The following RMDN1 variants were observed in gnomAD, a reference collection of about 807,000 sequenced individuals.
The protein encoded by RMDN1 is regulator of microtubule dynamics protein 1.
A neutral mutation model predicts 48.9 loss-of-function variants in RMDN1; 48 were observed. The ratio of observed to expected loss-of-function variants is 0.98; its 90% CI spans 0.78 to 1.25. The LOEUF (loss-of-function observed/expected upper bound fraction) is 1.25, where lower values mean the gene tolerates loss of function less well. RMDN1 is among the 50% of genes most tolerant of loss of function. The pLI is 0.00. For missense variants in RMDN1, 418 were observed against 373.4 expected (o/e 1.12, Z -0.98); for synonymous variants, 148 against 132.6 (o/e 1.12, Z -0.80).
chr8:86,474,820 C>G lies in RMDN1; in HGVS notation c.894G>C (p.Gln298His). Residue 298 changes from glutamine (Q) to histidine (H), a missense_variant and splice_region_variant, in exon 9 of 10, where the codon CAG becomes CAC. Physicochemically the swap from Gln to His is conservative, Grantham distance 24. Coordinates refer to ENST00000406452, the MANE Select transcript of RMDN1 (RefSeq NM_016033.3). ...CCTTACTTTATGGGAGATGTTTTACCTGTTTATCCTCCTCTGTGTGTGCTG... is the reference window on the plus strand; with the variant it reads ...CCTTACTTTATGGGAGATGTTTTACGTGTTTATCCTCCTCTGTGTGTGCTG... ...DYPAHTEEDK[Q>H]IQTEAAQLLT... is the part of the protein sequence containing the mutation. 1 of 1,602,436 alleles carries G rather than the reference C, an allele frequency of 6.2e-7. No homozygotes were observed. Among genetic ancestry groups the G allele is most frequent in the Admixed American group, 1.8e-5 (1 of 56,896 alleles).
intron 2 of RMDN1, among the ~76,000 whole-genome samples, chr8:86,493,991 TA>T (rs1022815338): frequency 6.6e-6 from 1 of 152,214 alleles, no homozygotes; most frequent in Admixed American, 6.5e-5. Context: ...ATGTGGAATC[TA>T]AAAAAGTCAA....
chr8:86,501,750 A>G lies in RMDN1; in HGVS notation c.247+5245T>C, dbSNP rs1278931523. Among the ~76,000 whole-genome samples the G allele has an allele frequency of 2.0e-5, 3 of 152,136 alleles. No individual in the cohort carries two copies. The East Asian group carries it at 5.8e-4, about 29-fold the overall frequency. ...TGTGAACTTCTTTTCAAAAATTATT[A>G]TAATGTGATAAGATAATAAGACTTG... On this transcript the variant is annotated intron_variant, in intron 2 of 9. Coordinates refer to ENST00000406452, the MANE Select transcript of RMDN1 (RefSeq NM_016033.3).
chr8:86,470,313 G>T (rs1339721683), downstream of RMDN1: 4 of 1,289,304 alleles, frequency 3.1e-6, no homozygotes, highest in Non-Finnish European at 3.0e-6. Flanking sequence ...GCACGGGAAG[G>T]AGAATGTAAG....
downstream of RMDN1, among the ~76,000 whole-genome samples, chr8:86,471,236 A>T (rs1052109457): frequency 6.6e-6 from 1 of 151,374 alleles, no homozygotes; most frequent in Non-Finnish European, 1.5e-5. Context: ...AGGAGGTAAG[A>T]CCTCCATAAA....
intron 4 of RMDN1, among the ~76,000 whole-genome samples, chr8:86,485,170 C>A (rs1410150776): frequency 6.6e-6 from 1 of 152,166 alleles, no homozygotes; most frequent in East Asian, 1.9e-4. Context: ...GTGGCTCACG[C>A]CTGTAACAGT....
chr8:86,511,001 G>A (rs1820024530), upstream of RMDN1, among the ~76,000 whole-genome samples: 1 of 151,852 alleles, frequency 6.6e-6, no homozygotes. Context: ...TTTTGTTTTT[G>A]TTTTTGTTTT....
chr8:86,486,399 T>C, intron 4 of RMDN1, 85 bp downstream of exon 4: 1 of 945,968 alleles, frequency 1.1e-6, no homozygotes, highest in Non-Finnish European at 1.4e-6. Context: ...GAGAAATTGT[T>C]CTTCCAATGT....
chr8:86,487,416 C>A (rs1302547230), intron 3 of RMDN1, among the ~76,000 whole-genome samples: 1 of 152,098 alleles, frequency 6.6e-6, no homozygotes, highest in Non-Finnish European at 1.5e-5. Context: ...CCAGCCTGAT[C>A]AACATGTACT....
At chr8:86,474,796 C>A in intron 9 of RMDN1, 24 bp downstream of exon 9, 1 of 1,595,496 alleles carries the variant, frequency 6.3e-7, no homozygotes, top group Non-Finnish European at 8.5e-7. Context: ...ACCTTTCTGC[C>A]TTACTTTATG....
intron 2 of RMDN1, among the ~76,000 whole-genome samples, chr8:86,501,304 C>G (rs942687560): frequency 3.3e-5 from 5 of 152,178 alleles, no homozygotes; most frequent in African/African-American, 1.2e-4. Context: ...CTTCAGAAAG[C>G]ACTACATCTT....
intron 2 of RMDN1, among the ~76,000 whole-genome samples, chr8:86,490,631 C>A (rs1816329100): frequency 6.6e-6 from 1 of 152,060 alleles, no homozygotes; most frequent in African/African-American, 2.4e-5. Context: ...AACTAAAGAA[C>A]CCTAAGATAA....
intron 7 of RMDN1, chr8:86,478,498 T>C (rs1371195418): frequency 6.5e-6 from 1 of 154,048 alleles, no homozygotes; most frequent in East Asian, 1.9e-4. Context: ...ACCTTTCATA[T>C]GCTTTTTAAA....
At chr8:86,504,338 A>T (rs1196514893) in intron 2 of RMDN1, 1 of 1,578,420 alleles carries the variant, frequency 6.3e-7, no homozygotes, top group Non-Finnish European at 8.7e-7. Context: ...ATGTCACAAG[A>T]AAAGCAAGTC....
intron 5 of RMDN1, among the ~76,000 whole-genome samples, chr8:86,483,971 C>T (rs1815019860): frequency 6.6e-6 from 1 of 152,078 alleles, no homozygotes; most frequent in South Asian, 2.1e-4. Context: ...ACAATATACA[C>T]ACAGATATCA....
intron 2 of RMDN1, chr8:86,504,800 C>T (rs1819029165): frequency 9.4e-7 from 1 of 1,058,620 alleles, no homozygotes; most frequent in Non-Finnish European, 1.5e-6. Context: ...CCGGCTGCTC[C>T]AACTATACCT....
intron 2 of RMDN1, among the ~76,000 whole-genome samples, chr8:86,498,662 C>T (rs1319103419): frequency 1.3e-5 from 2 of 152,036 alleles, no homozygotes; most frequent in African/African-American, 2.4e-5. Flanking sequence ...ACAACTGTAG[C>T]CCCAGCCACT....
chr8:86,493,662 A>G (rs1399820110), intron 2 of RMDN1, among the ~76,000 whole-genome samples: 1 of 152,204 alleles, frequency 6.6e-6, no homozygotes, highest in Non-Finnish European at 1.5e-5. Context: ...TTCAAAATCC[A>G]AAACTTTGTG....
Position 86,480,316 on chromosome 8 carries a change from T to C in RMDN1, c.602A>G (p.Asn201Ser), listed in dbSNP as rs1814149161. Reference sequence around the variant, plus strand: ...GTGAATTGAAGTAGCATCTTTAGGGTTCAGTTCAATTGCTTTCTAACAAGA... The same window carrying C: ...GTGAATTGAAGTAGCATCTTTAGGGCTCAGTTCAATTGCTTTCTAACAAGA... ...KEHFEKAIEL[N>S]PKDATSIHLM... The change falls in exon 6 of 10, where the codon AAC (asparagine) becomes AGC (serine). Residue 201 changes from asparagine to serine, a missense_variant. Asn to Ser is a conservative substitution (Grantham distance 46). Transcript: ENST00000406452. 6.5e-7 allele frequency: 1 copy of C among 1,536,892 alleles called. No individual in the cohort carries two copies. The highest frequency in any genetic ancestry group is 1.2e-5 in the South Asian group (1 of 81,336).
chr8:86,483,250 A>G (rs973683846), intron 5 of RMDN1, among the ~76,000 whole-genome samples: 1 of 152,244 alleles, frequency 6.6e-6, no homozygotes, highest in African/African-American at 2.4e-5. Flanking sequence ...GCTTATATAA[A>G]ACATTGTTTT....
Sources: allele counts gnomAD v4.1 joint callset (sites outside exome capture counted in the v4.1 genomes callset), GRCh38; gene constraint gnomAD v4.1.1; transcripts MANE v1.5; gene names NCBI Gene and HGNC (gene_info 2026-07-23, HGNC 2026-07-21).